The following AOPEP variants were observed in gnomAD, a reference collection of about 807,000 sequenced individuals.
AOPEP encodes aminopeptidase O (putative).
AOPEP carries 77 observed loss-of-function variants against 98.1 expected under a neutral mutation model. That is an observed-to-expected ratio of 0.78 (90% CI 0.65 to 0.95). AOPEP has a LOEUF of 0.95. Ranked by LOEUF, AOPEP falls within the 40% of genes least tolerant of loss-of-function variation. The pLI, the probability that AOPEP is intolerant of heterozygous loss-of-function variation, is 0.00. For synonymous variants in AOPEP, 346 were observed against 365.3 expected, an observed-to-expected ratio of 0.95 and a Z score of 0.60; for missense variants, 1,024 against 1,024.7, an observed-to-expected ratio of 1.00 and a Z score of 0.01.
chr9:95,113,122 G>A, the AOPEP span, among the ~76,000 whole-genome samples: 1 of 152,210 alleles, frequency 6.6e-6, no homozygotes. Flanking sequence ...GGGGCCGACT[G>A]GCCACTGCAG....
At chr9:95,097,850 TG>T in the AOPEP span, among the ~76,000 whole-genome samples, 1 of 152,306 alleles carries the variant, frequency 6.6e-6, no homozygotes, top group East Asian at 1.9e-4. Context: ...AGACATGTTA[TG>T]TACTTACTGT....
intron 13 of AOPEP, chr9:95,021,935 T>A (rs1255271835): frequency 1.3e-5 from 2 of 152,272 alleles, no homozygotes; most frequent in East Asian, 3.8e-4. Flanking sequence ...TTAGATTTGC[T>A]TAACCGCATT....
Position 94,816,210 on chromosome 9 carries a change from T to C in AOPEP, c.1364+15208T>C, listed in dbSNP as rs375026464. 1.3e-4 allele frequency among the ~76,000 whole-genome samples: 20 copies of C among 152,346 alleles called. No homozygotes were observed. In the South Asian group the frequency reaches 1.9e-3, roughly 14 times the overall value. The stretch of plus-strand genomic sequence containing the variant: ...AGCCTGGCCTTGTAGATAGTTCCAG[T>C]TGGGGTCATTGTTAGGCACAGGCAT... On this transcript the variant is annotated intron_variant, in intron 5 of 16. Coordinates refer to ENST00000375315, the MANE Select transcript of AOPEP (RefSeq NM_001193329.3).
the AOPEP span, chr9:95,111,311 T>C: frequency 6.3e-7 from 1 of 1,591,434 alleles, no homozygotes; most frequent in Non-Finnish European, 8.5e-7. Context: ...AGGCTGGAGA[T>C]CACCATGCCT....
At chr9:94,978,867 T>C (rs2060007703) in intron 10 of AOPEP, among the ~76,000 whole-genome samples, 1 of 152,034 alleles carries the variant, frequency 6.6e-6, no homozygotes, top group African/African-American at 2.4e-5. Flanking sequence ...AAGGAGACAG[T>C]GGAAGTGGTC....
intron 2 of AOPEP, among the ~76,000 whole-genome samples, chr9:94,762,176 G>A (rs1229536735): frequency 3.3e-5 from 5 of 152,164 alleles, no homozygotes; most frequent in Admixed American, 2.6e-4. Flanking sequence ...GGCCAGGCGC[G>A]GTGGCTCACG....
intron 5 of AOPEP, among the ~76,000 whole-genome samples, chr9:94,851,270 C>T (rs1159885794): frequency 1.3e-5 from 2 of 152,144 alleles, no homozygotes; most frequent in South Asian, 2.1e-4. Context: ...TCTAGCTGCC[C>T]TCAGCTGGAG....
At chr9:95,073,734 C>T (rs2068746721) in intron 14 of AOPEP, among the ~76,000 whole-genome samples, 2 of 152,170 alleles carry the variant, frequency 1.3e-5, no homozygotes, top group Admixed American at 6.5e-5. Context: ...TGGCACATGT[C>T]TGTGTTGCCA....
At chr9:95,026,359 C>T (rs2063834082) in intron 13 of AOPEP, among the ~76,000 whole-genome samples, 1 of 152,230 alleles carries the variant, frequency 6.6e-6, no homozygotes, top group African/African-American at 2.4e-5. Flanking sequence ...CTATTTCCCC[C>T]TCTCCTCATC....
chr9:94,940,801 G>A (rs866459523), intron 7 of AOPEP, among the ~76,000 whole-genome samples: 9 of 151,970 alleles, frequency 5.9e-5, no homozygotes, highest in Middle Eastern at 3.4e-3. Context: ...AGCCTGGCTC[G>A]TCCCCTCATG....
At chr9:95,080,350 AC>A (rs2069601158) in intron 14 of AOPEP, among the ~76,000 whole-genome samples, 2 of 152,038 alleles carry the variant, frequency 1.3e-5, no homozygotes, top group African/African-American at 4.8e-5. Context: ...ACATAGTGAA[AC>A]CCCGTCTCTA....
intron 4 of AOPEP, among the ~76,000 whole-genome samples, chr9:94,797,462 C>T (rs1847240361): frequency 6.6e-6 from 1 of 151,562 alleles, no homozygotes; most frequent in Non-Finnish European, 1.5e-5. Flanking sequence ...AATCCCCTGA[C>T]CTCTTCAGAA....
intron 13 of AOPEP, 33 bp from the exon 14 acceptor site, chr9:95,060,661 G>T (rs1406072856): frequency 1.4e-6 from 2 of 1,395,524 alleles, no homozygotes; most frequent in Non-Finnish European, 2.0e-6. Flanking sequence ...CAACTGAATG[G>T]CATTTTCATA....
chr9:95,101,445 G>A, the AOPEP span: 4 of 532,300 alleles, frequency 7.5e-6, no homozygotes, highest in African/African-American at 1.9e-5. Flanking sequence ...TCAAGCTGAC[G>A]GTCTGGCCGG....
At position 94,760,417 on chromosome 9, in the gene AOPEP, G is replaced by C; in HGVS notation, c.634G>C (p.Ala212Pro). The change falls in exon 2 of 17, where the codon GCT (alanine) becomes CCT (proline). Residue 212 changes from alanine to proline, a missense_variant. Coordinates refer to ENST00000375315, the MANE Select transcript of AOPEP (RefSeq NM_001193329.3). ...AGACTATTACGCTCGCTGCAGCCAG[G>C]CTCCTGGCTGTGGGGAACTCCTCTT... ...QLDYYARCSQAPGCGELLFDT... is the reference protein window; with the variant it reads ...QLDYYARCSQPPGCGELLFDT... 6.2e-7 allele frequency: 1 copy of C among 1,613,976 alleles called. No individual in the cohort carries two copies. The highest frequency in any genetic ancestry group is 1.1e-5 in the South Asian group (1 of 91,058).
At chr9:95,147,386 C>A in the AOPEP span, among the ~76,000 whole-genome samples, 1 of 152,132 alleles carries the variant, frequency 6.6e-6, no homozygotes, top group African/African-American at 2.4e-5. Flanking sequence ...CGTGATGGTG[C>A]ATGCCTGTAA....
chr9:94,997,849 G>A (rs750927347), intron 11 of AOPEP, among the ~76,000 whole-genome samples: 1 of 151,976 alleles, frequency 6.6e-6, no homozygotes, highest in Admixed American at 6.6e-5. Context: ...ATACGCCACC[G>A]TGCCCAGCTA....
the AOPEP span, chr9:95,126,800 T>C: frequency 1.7e-5 from 9 of 533,982 alleles, no homozygotes; most frequent in Non-Finnish European, 3.0e-5. Context: ...CTTATTCCTC[T>C]GTATACTCCT....
chr9:94,883,532 A>G (rs567770509), intron 5 of AOPEP, among the ~76,000 whole-genome samples: 1 of 152,314 alleles, frequency 6.6e-6, no homozygotes, highest in South Asian at 2.1e-4. Context: ...CTTTTGTTAC[A>G]GAAGAAACTC....
Sources: gnomAD v4.1 joint callset for allele counts (sites outside exome capture counted in the v4.1 genomes callset) on GRCh38, gnomAD v4.1.1 for gene constraint, MANE v1.5 for transcripts, NCBI Gene and HGNC (gene_info 2026-07-23, HGNC 2026-07-21) for gene names.